SLC35B3: variants seen among roughly 807,000 people sequenced by gnomAD.
The protein encoded by SLC35B3 is solute carrier family 35 member B3.
In SLC35B3, 35 loss-of-function variants were observed where a neutral mutation model predicts 44.1. That is an observed-to-expected ratio of 0.79 (90% CI 0.61 to 1.05). SLC35B3 has a LOEUF of 1.05. Among genes scored for constraint, SLC35B3 ranks in the 50% least tolerant of loss-of-function variants. The pLI is 0.00. For missense variants in SLC35B3, 414 were observed against 476.4 expected, an observed-to-expected ratio of 0.87 and a Z score of 1.22; for synonymous variants, 146 against 167.3, an observed-to-expected ratio of 0.87 and a Z score of 0.98.
intron 4 of SLC35B3, among the ~76,000 whole-genome samples, chr6:8,426,177 C>A (rs994139431): frequency 6.6e-6 from 1 of 152,114 alleles, no homozygotes; most frequent in African/African-American, 2.4e-5. Context: ...AAAATGCTGG[C>A]GACCAGAGTG....
rs573257336 is a variant in SLC35B3, at chr6:8,417,085, C to T, written c.874-90G>A. The T allele has an allele frequency of 1.4e-4, 92 of 671,384 alleles. 3 individuals carry two copies. The South Asian group carries it at 1.9e-3, about 14-fold the overall frequency. 41.6% of individuals were successfully genotyped at this position (671,384 alleles called of 1,614,324 possible). On this transcript the variant is annotated intron_variant, in intron 8 of 10. Coordinates refer to ENST00000644923, the MANE Select transcript of SLC35B3 (RefSeq NM_001370476.2). ...TAAAACTACAGATGTTAATCAACTTCTTGAGCAATAAGTTGTTTGACAATG... is the reference window on the plus strand; with the variant it reads ...TAAAACTACAGATGTTAATCAACTTTTTGAGCAATAAGTTGTTTGACAATG...
At chr6:8,431,141 T>C (rs1763944836) in intron 2 of SLC35B3, among the ~76,000 whole-genome samples, 1 of 152,188 alleles carries the variant, frequency 6.6e-6, no homozygotes, top group Non-Finnish European at 1.5e-5. Context: ...AATTTCTCTT[T>C]GGATTTATAT....
Position 8,420,839 on chromosome 6 carries a change from C to A in SLC35B3, c.575-11G>T, listed in dbSNP as rs1271089396. 1 of 1,593,304 alleles carries A rather than the reference C, an allele frequency of 6.3e-7. No homozygotes were observed. Among genetic ancestry groups the A allele is most frequent in the Non-Finnish European group, 8.6e-7 (1 of 1,164,710 alleles). Reference sequence around the variant, plus strand: ...CATTATAACGCTTTCCTGTATAAAACAAACGTAAGTCCACTTCATTATGCA... The same window carrying A: ...CATTATAACGCTTTCCTGTATAAAAAAAACGTAAGTCCACTTCATTATGCA... On this transcript the variant is annotated splice_polypyrimidine_tract_variant and intron_variant, in intron 5 of 10. Coordinates refer to ENST00000644923, the MANE Select transcript of SLC35B3 (RefSeq NM_001370476.2). The surrounding 1 kb of genome is among the most constrained non-coding windows in gnomAD (Gnocchi z 4.4).
At chr6:8,421,385 G>A (rs563940666) in intron 5 of SLC35B3, among the ~76,000 whole-genome samples, 1 of 152,212 alleles carries the variant, frequency 6.6e-6, no homozygotes, top group East Asian at 1.9e-4. Context: ...CTAGTCAGTT[G>A]GGACAATAAA....
In SLC35B3 at chr6:8,413,602, T is replaced by G; in HGVS notation, c.1153A>C (p.Ile385Leu). The change falls in exon 11 of 11, where the codon ATA becomes CTA. Residue 385 changes from isoleucine to leucine, a missense_variant. Coordinates refer to ENST00000644923, the MANE Select transcript of SLC35B3 (RefSeq NM_001370476.2). ...TTTCTTGCTTCCACTGATTTGTTTA[T>G]CAAATCATACAGTGATGGTAGTCTT... 2 of 1,606,308 alleles carry G rather than the reference T, an allele frequency of 1.2e-6. No homozygotes were observed. The highest frequency in any genetic ancestry group is 1.7e-6 in the Non-Finnish European group (2 of 1,175,398).
At position 8,434,563 on chromosome 6, in the gene SLC35B3, G is replaced by T; in HGVS notation, c.-43-133C>A. 1.8e-6 allele frequency: 1 copy of T among 563,524 alleles called. No homozygotes were observed. Among genetic ancestry groups the T allele is most frequent in the Non-Finnish European group, 2.9e-6 (1 of 350,680 alleles). 34.9% of individuals were successfully genotyped at this position (563,524 alleles called of 1,614,324 possible). ...TTCTTTTTTTTTTCCAAGAGAAAAA[G>T]TTAACACTAGGACTTTATATATTAA... On this transcript the variant is annotated intron_variant, in intron 1 of 10. Coordinates refer to ENST00000644923, the MANE Select transcript of SLC35B3 (RefSeq NM_001370476.2). The surrounding 1 kb of genome is among the most constrained non-coding windows in gnomAD (Gnocchi z 6.3).
intron 2 of SLC35B3, among the ~76,000 whole-genome samples, chr6:8,431,265 G>C (rs1002322491): frequency 6.6e-6 from 1 of 152,212 alleles, no homozygotes; most frequent in African/African-American, 2.4e-5. Context: ...CGACTCATCT[G>C]TTTTTAATTC....
At position 8,425,682 on chromosome 6, in the gene SLC35B3, A is replaced by T. The variant is rs984593829; in HGVS notation, c.419+2255T>A. On this transcript the variant is annotated intron_variant, in intron 4 of 10. Coordinates refer to ENST00000644923, the MANE Select transcript of SLC35B3 (RefSeq NM_001370476.2). ...CAAACTTCAACACCATTTTATGATTAAAAAAAAAGCTGCACAATTTTTGAA... is the reference window on the plus strand; with the variant it reads ...CAAACTTCAACACCATTTTATGATTTAAAAAAAAGCTGCACAATTTTTGAA... Among the ~76,000 whole-genome samples, 5 of 151,276 alleles carry T rather than the reference A, an allele frequency of 3.3e-5. No individual in the cohort carries two copies. In the South Asian group the frequency reaches 6.3e-4, roughly 19 times the overall value.
chr6:8,434,685 C>CA lies in SLC35B3; in HGVS notation c.-43-256dup, dbSNP rs1362894611. Among the ~76,000 whole-genome samples the CA allele has an allele frequency of 6.6e-5, 10 of 152,178 alleles. No homozygotes were observed. Among genetic ancestry groups the CA allele is most frequent in the African/African-American group, 1.7e-4 (7 of 41,534 alleles). ...CAATTCACTTAGAAAAACGTTTAAT[C>CA]AAAAAACAATTCTAGGCTTCTGATA... is the stretch of plus-strand genomic sequence containing the variant. On this transcript the variant is annotated intron_variant, in intron 1 of 10. Coordinates refer to ENST00000644923, the MANE Select transcript of SLC35B3 (RefSeq NM_001370476.2). The surrounding 1 kb of genome is among the most constrained non-coding windows in gnomAD (Gnocchi z 6.3).
In SLC35B3 at chr6:8,435,225, G is replaced by A. The variant is rs757565842; in HGVS notation, c.-44+118C>T. The A allele has an allele frequency of 1.2e-5, 16 of 1,289,212 alleles. 1 individual carries two copies. Among genetic ancestry groups the A allele is most frequent in the Middle Eastern group, 2.2e-4 (1 of 4,628 alleles). The allele number at this position is 1,289,212 out of a possible 1,614,324, so 79.9% of individuals were successfully genotyped here. ...GGGAATCACCCGTTTCTTCCATCCC[G>A]ACCTCATCCATTCCTCGAACGCTCC... is the stretch of plus-strand genomic sequence containing the variant. On this transcript the variant is annotated intron_variant, in intron 1 of 10. Transcript: ENST00000644923. This position sits in a 1 kb window ranked among gnomAD's most constrained non-coding sequence, Gnocchi z 5.5.
At position 8,412,512 on chromosome 6, in the gene SLC35B3, A is replaced by G. The variant is rs1040848805; in HGVS notation, c.*1037T>C. Among the ~76,000 whole-genome samples, 25 of 152,218 alleles carry G rather than the reference A, an allele frequency of 1.6e-4. No homozygotes were observed. The highest frequency in any genetic ancestry group is 1.6e-3 in the Admixed American group (25 of 15,280). ...CTTTGGGATTACTTGGGCAAACTGT[A>G]GCAAATTTTTCTTACTACACATACT... On this transcript the variant is annotated 3_prime_UTR_variant, in exon 11 of 11. Transcript: ENST00000644923.
chr6:8,435,199 A>G lies in SLC35B3; in HGVS notation c.-44+144T>C. 4 of 1,288,840 alleles carry G rather than the reference A, an allele frequency of 3.1e-6. No individual in the cohort carries two copies. The highest frequency in any genetic ancestry group is 3.0e-6 in the Non-Finnish European group (3 of 988,686). The allele number at this position is 1,288,840 out of a possible 1,614,324, so 79.8% of individuals were successfully genotyped here. ...CGGCCGGTTTCCGCTCTTTCAAAAA[A>G]GGGAATCACCCGTTTCTTCCATCCC... On this transcript the variant is annotated intron_variant, in intron 1 of 10. Coordinates refer to ENST00000644923, the MANE Select transcript of SLC35B3 (RefSeq NM_001370476.2). This position sits in a 1 kb window ranked among gnomAD's most constrained non-coding sequence, Gnocchi z 5.5.
Position 8,435,448 on chromosome 6 carries a change from C to T in SLC35B3, c.-149G>A. 8.9e-7 allele frequency: 1 copy of T among 1,128,778 alleles called. No homozygotes were observed. Among genetic ancestry groups the T allele is most frequent in the South Asian group, 1.3e-5 (1 of 76,056 alleles). 69.9% of individuals were successfully genotyped at this position (1,128,778 alleles called of 1,614,324 possible). ...GGTCCGTCGCCATCACCTCCTCTTC[C>T]TCCTCCTCCTCGCCCACTCCTGCAC... On this transcript the variant is annotated 5_prime_UTR_variant, in exon 1 of 11. Transcript: ENST00000644923. This position sits in a 1 kb window ranked among gnomAD's most constrained non-coding sequence, Gnocchi z 5.5.
In SLC35B3 at chr6:8,428,013, G is replaced by A. The variant is rs771486685; in HGVS notation, c.343C>T (p.Leu115Phe). ...TAAAAGGCAAACTGCACTAAGGTAA[G>A]GTACCAGCCACAGGACTTAAAACCC... Residue 115 changes from leucine (L) to phenylalanine (F), a missense_variant, in exon 4 of 11, where the codon CTT (leucine) becomes TTT (phenylalanine). Transcript: ENST00000644923. 4.4e-6 allele frequency: 7 copies of A among 1,609,052 alleles called. No homozygotes were observed. The highest frequency in any genetic ancestry group is 1.3e-5 in the African/African-American group (1 of 74,734).
In SLC35B3 at chr6:8,429,872, A is replaced by G; in HGVS notation, c.289T>C (p.Tyr97His). ...ACATATAACTTTTTTACCTGTAAAT[A>G]CCCATAAATTAGGTAAAATACAAAA... The change falls in exon 3 of 11, where the codon TAT (tyrosine) becomes CAT (histidine). Residue 97 changes from tyrosine to histidine, a missense_variant. Transcript: ENST00000644923. 6.4e-7 allele frequency: 1 copy of G among 1,574,412 alleles called. No individual in the cohort carries two copies.
chr6:8,419,485 A>G lies in SLC35B3; in HGVS notation c.780+95T>C. Reference sequence around the variant, plus strand: ...TACTTTTGTAAAAATGAGTTTAAAAATGCAATGCTAGTTATAATAATTATT... The same window carrying G: ...TACTTTTGTAAAAATGAGTTTAAAAGTGCAATGCTAGTTATAATAATTATT... On this transcript the variant is annotated intron_variant, in intron 7 of 10. Transcript: ENST00000644923. This position sits in a 1 kb window ranked among gnomAD's most constrained non-coding sequence, Gnocchi z 4.3. 1.6e-6 allele frequency: 1 copy of G among 611,968 alleles called. No individual in the cohort carries two copies. Among genetic ancestry groups the G allele is most frequent in the Middle Eastern group, 4.9e-4 (1 of 2,058 alleles). The allele number at this position is 611,968 out of a possible 1,614,324, so 37.9% of individuals were successfully genotyped here. A position where few individuals can be genotyped will look rare whatever the true frequency, so the allele number is the denominator to read the frequency against.
intron 3 of SLC35B3, 78 bp from the exon 3 acceptor site, chr6:8,428,136 C>T (rs1763614828): frequency 1.5e-6 from 2 of 1,316,858 alleles, no homozygotes; most frequent in Admixed American, 2.9e-5. Context: ...AGAAACACAA[C>T]ATTTTTAAAG....
intron 2 of SLC35B3, among the ~76,000 whole-genome samples, chr6:8,430,958 A>G (rs1054617139): frequency 5.3e-5 from 8 of 152,270 alleles, no homozygotes; most frequent in Admixed American, 2.0e-4. Context: ...TTAAAAAGCT[A>G]GATTTATCAG....
At position 8,412,690 on chromosome 6, in the gene SLC35B3, A is replaced by T. The variant is rs773355466; in HGVS notation, c.*859T>A. On this transcript the variant is annotated 3_prime_UTR_variant, in exon 11 of 11. Coordinates refer to ENST00000644923, the MANE Select transcript of SLC35B3 (RefSeq NM_001370476.2). The stretch of plus-strand genomic sequence containing the variant: ...ATTTTTCCATGGACTGGGACAGGGG[A>T]TGGTTTCAGGATAAAACTATGAAAC... Among the ~76,000 whole-genome samples, 65 of 152,286 alleles carry T rather than the reference A, an allele frequency of 4.3e-4. No homozygotes were observed. Among genetic ancestry groups the T allele is most frequent in the Non-Finnish European group, 8.5e-4 (58 of 68,026 alleles).
Sources: allele counts gnomAD v4.1 joint callset (sites outside exome capture counted in the v4.1 genomes callset), GRCh38; gene constraint gnomAD v4.1.1; non-coding constraint Gnocchi (gnomAD v3.1); transcripts MANE v1.5; gene names NCBI Gene and HGNC (gene_info 2026-07-23, HGNC 2026-07-21).